The following CSMD1 variants were observed in gnomAD, a reference collection of about 807,000 sequenced individuals.
CSMD1 encodes the protein CUB and Sushi multiple domains 1.
Under a neutral mutation model 417.5 loss-of-function variants are expected in CSMD1, and 213 were observed. That is an observed-to-expected ratio of 0.51 (90% CI 0.46 to 0.57). CSMD1 has a LOEUF of 0.57. Ranked by LOEUF, CSMD1 falls within the 20% of genes least tolerant of loss-of-function variation. The pLI is 0.00. For synonymous variants in CSMD1, 2,862 were observed against 1,736.8 expected, an observed-to-expected ratio of 1.65 and a Z score of -16.11; for missense variants, 6,923 against 4,529.7, an observed-to-expected ratio of 1.53 and a Z score of -15.17.
chr8:3,643,627 G>T (rs1453138171), intron 7 of CSMD1, among the ~76,000 whole-genome samples: 1 of 149,528 alleles, frequency 6.7e-6, no homozygotes, highest in Non-Finnish European at 1.5e-5. Flanking sequence ...CGTGAACCCG[G>T]GAGGTGGAGC....
At chr8:3,871,926 T>C (rs976838089) in intron 5 of CSMD1, among the ~76,000 whole-genome samples, 1 of 152,180 alleles carries the variant, frequency 6.6e-6, no homozygotes, top group East Asian at 1.9e-4. Context: ...GTAGCCCTAA[T>C]CTTCTGAAAA....
chr8:4,025,118 C>A (rs1004809135), intron 4 of CSMD1, among the ~76,000 whole-genome samples: 1 of 152,200 alleles, frequency 6.6e-6, no homozygotes, highest in African/African-American at 2.4e-5. Flanking sequence ...ACCGAAGGGG[C>A]TGCAAGAGAT....
intron 24 of CSMD1, 66 bp downstream of exon 24, chr8:3,308,246 T>C: frequency 3.2e-6 from 4 of 1,250,596 alleles, no homozygotes; most frequent in Non-Finnish European, 3.4e-6. Context: ...AGGAAGTCAA[T>C]GCAACATGGT....
intron 1 of CSMD1, among the ~76,000 whole-genome samples, chr8:4,688,846 A>G (rs899817274): frequency 2.0e-5 from 3 of 152,206 alleles, no homozygotes; most frequent in Non-Finnish European, 4.4e-5. Flanking sequence ...TGCCTGTTGT[A>G]GACAGGGGAA....
chr8:3,286,411 C>T (rs1023347305), intron 25 of CSMD1, among the ~76,000 whole-genome samples: 3 of 152,110 alleles, frequency 2.0e-5, no homozygotes, highest in Non-Finnish European at 4.4e-5. Context: ...CACTGACTTC[C>T]ACAATGGTTG....
intron 3 of CSMD1, among the ~76,000 whole-genome samples, chr8:4,264,753 C>A (rs1311603073): frequency 6.6e-6 from 1 of 152,102 alleles, no homozygotes; most frequent in Non-Finnish European, 1.5e-5. Context: ...TCAGTAACAT[C>A]TAGAACGTTC....
intron 1 of CSMD1, among the ~76,000 whole-genome samples, chr8:4,735,889 G>A (rs994994209): frequency 2.6e-4 from 39 of 152,152 alleles, no homozygotes; most frequent in African/African-American, 8.0e-4. Flanking sequence ...ACACGCTACT[G>A]CTTTACTAGA....
intron 50 of CSMD1, among the ~76,000 whole-genome samples, chr8:3,044,771 C>T (rs935570953): frequency 2.6e-5 from 4 of 152,134 alleles, no homozygotes; most frequent in Non-Finnish European, 5.9e-5. Context: ...TTGTATTTAC[C>T]ATTTGCATTT....
At chr8:4,575,370 A>G (rs1799089374) in intron 2 of CSMD1, among the ~76,000 whole-genome samples, 1 of 152,236 alleles carries the variant, frequency 6.6e-6, no homozygotes, top group South Asian at 2.1e-4. Context: ...TTGCGGGATG[A>G]AAAGGAAGCT....
intron 2 of CSMD1, among the ~76,000 whole-genome samples, chr8:4,597,263 A>G (rs906619790): frequency 6.6e-6 from 1 of 152,178 alleles, no homozygotes; most frequent in African/African-American, 2.4e-5. Context: ...CATGCCTTTG[A>G]TTTCTAATTT....
chr8:4,819,188 A>AT (rs748581681), intron 1 of CSMD1, among the ~76,000 whole-genome samples: 1 of 152,224 alleles, frequency 6.6e-6, no homozygotes, highest in African/African-American at 2.4e-5. Context: ...CACACATTCA[A>AT]TTTTTTTGAC....
intron 1 of CSMD1, among the ~76,000 whole-genome samples, chr8:4,806,670 G>A (rs913237994): frequency 3.3e-5 from 5 of 152,176 alleles, no homozygotes; most frequent in African/African-American, 1.2e-4. Context: ...AGAAGCATTT[G>A]AACCATGGTC....
At position 4,875,373 on chromosome 8, in the gene CSMD1, C is replaced by T. The variant is rs898614795; in HGVS notation, c.85+118959G>A. Among the ~76,000 whole-genome samples, 9 of 152,018 alleles carry T rather than the reference C, an allele frequency of 5.9e-5. 1 individual carries two copies. Among genetic ancestry groups the T allele is most frequent in the Admixed American group, 4.6e-4 (7 of 15,250 alleles). ...TTGGAACTGAAAAGTGACTTGTTTT[C>T]TTCTATCAAGCCTTTATTTCTCCAG... is the stretch of plus-strand genomic sequence containing the variant. On this transcript the variant is annotated intron_variant, in intron 1 of 69. Coordinates refer to ENST00000635120, the MANE Select transcript of CSMD1 (RefSeq NM_033225.6).
At chr8:4,387,466 T>C (rs1409046861) in intron 3 of CSMD1, among the ~76,000 whole-genome samples, 1 of 150,718 alleles carries the variant, frequency 6.6e-6, no homozygotes, top group Non-Finnish European at 1.5e-5. Context: ...AATCAGGAAG[T>C]TGAGTGTACT....
intron 3 of CSMD1, among the ~76,000 whole-genome samples, chr8:4,065,156 A>T (rs540929160): frequency 2.0e-5 from 3 of 152,230 alleles, no homozygotes; most frequent in Non-Finnish European, 1.5e-5. Context: ...CATTTTACTG[A>T]CACTATTTAC....
chr8:3,862,346 C>T (rs1463907157), intron 5 of CSMD1, among the ~76,000 whole-genome samples: 5 of 152,192 alleles, frequency 3.3e-5, no homozygotes, highest in African/African-American at 1.2e-4. Context: ...GGTGACCTCA[C>T]TTTGCTTCCT....
intron 1 of CSMD1, among the ~76,000 whole-genome samples, chr8:4,940,855 T>C (rs185219376): frequency 2.6e-5 from 4 of 152,196 alleles, no homozygotes; most frequent in Admixed American, 1.3e-4. Flanking sequence ...TTAGAGGTCA[T>C]GGTTAAAAAT....
chr8:4,728,258 G>A (rs965326627), intron 1 of CSMD1, among the ~76,000 whole-genome samples: 1 of 150,086 alleles, frequency 6.7e-6, no homozygotes, highest in African/African-American at 2.4e-5. Flanking sequence ...GAAGTAAAAT[G>A]CATGTATATG....
At chr8:4,344,764 T>C (rs1293975326) in intron 3 of CSMD1, among the ~76,000 whole-genome samples, 1 of 152,132 alleles carries the variant, frequency 6.6e-6, no homozygotes, top group Non-Finnish European at 1.5e-5. Flanking sequence ...TTCACCGTTG[T>C]AGATAAAAAC....
Sources: gnomAD v4.1 joint callset for allele counts (sites outside exome capture counted in the v4.1 genomes callset) on GRCh38, gnomAD v4.1.1 for gene constraint, MANE v1.5 for transcripts, NCBI Gene and HGNC (gene_info 2026-07-23, HGNC 2026-07-21) for gene names.